Variants in CTNNA3 observed in about 807,000 individuals in gnomAD.
CTNNA3 encodes catenin alpha 3, also known as catenin alpha-3.
In CTNNA3, 76 loss-of-function variants were observed where a neutral mutation model predicts 95.7. That is an observed-to-expected ratio of 0.79 (90% CI 0.66 to 0.96). The LOEUF (loss-of-function observed/expected upper bound fraction) is 0.96. CTNNA3 is among the 40% of genes least tolerant of loss of function. The pLI is 0.00. For synonymous variants in CTNNA3, 431 were observed against 374.4 expected (o/e 1.15, Z -1.74); for missense variants, 1,191 against 1,089.8 (o/e 1.09, Z -1.31).
intron 9 of CTNNA3, among the ~76,000 whole-genome samples, chr10:66,627,477 A>AT (rs5785769): frequency 1 from 152,218 of 152,218 alleles, 76,109 homozygotes; most frequent in Non-Finnish European, 1. Flanking sequence ...TAAAGTCTTT[A>AT]TTTCTTTTTA....
intron 13 of CTNNA3, among the ~76,000 whole-genome samples, chr10:66,180,557 A>G (rs1174286028): frequency 6.6e-6 from 1 of 152,136 alleles, no homozygotes; most frequent in Non-Finnish European, 1.5e-5. Context: ...ACATCTCAAA[A>G]AGTAATGTCA....
At chr10:66,123,046 A>T (rs908603951) in intron 13 of CTNNA3, among the ~76,000 whole-genome samples, 1 of 152,102 alleles carries the variant, frequency 6.6e-6, no homozygotes, top group Non-Finnish European at 1.5e-5. Flanking sequence ...AAAACCAATC[A>T]TGCCTTCCCA....
intron 13 of CTNNA3, among the ~76,000 whole-genome samples, chr10:66,228,960 AT>A (rs1211384457): frequency 6.6e-6 from 1 of 151,924 alleles, no homozygotes; most frequent in East Asian, 1.9e-4. Flanking sequence ...ACTTCTGCTC[AT>A]TTTTGGTTTC....
intron 9 of CTNNA3, among the ~76,000 whole-genome samples, chr10:66,645,621 C>T (rs1845681886): frequency 6.6e-6 from 1 of 152,174 alleles, no homozygotes; most frequent in African/African-American, 2.4e-5. Flanking sequence ...GCAACCAAGC[C>T]ACACAGCAGG....
At chr10:67,757,431 G>A (rs866639283) in intron 1 of CTNNA3, among the ~76,000 whole-genome samples, 2 of 152,116 alleles carry the variant, frequency 1.3e-5, no homozygotes, top group Middle Eastern at 3.2e-3. Flanking sequence ...GATGTCAAAG[G>A]AGATAAATAT....
intron 13 of CTNNA3, among the ~76,000 whole-genome samples, chr10:66,237,303 C>T (rs185955800): frequency 5.1e-4 from 77 of 152,218 alleles, no homozygotes; most frequent in Non-Finnish European, 9.1e-4. Flanking sequence ...TTGTGCCTTC[C>T]CAATTTTCTT....
chr10:67,104,699 T>C (rs934795938), intron 7 of CTNNA3, among the ~76,000 whole-genome samples: 13 of 151,966 alleles, frequency 8.6e-5, no homozygotes, highest in Admixed American at 6.6e-4. Flanking sequence ...ATTAGCATTT[T>C]ACTCCATCAC....
intron 5 of CTNNA3, among the ~76,000 whole-genome samples, chr10:67,291,227 T>C (rs185591809): frequency 0.016 from 2,408 of 152,236 alleles, 26 homozygotes; most frequent in Non-Finnish European, 0.024. Flanking sequence ...GTACAATGCT[T>C]GGGACGTGGT....
intron 5 of CTNNA3, among the ~76,000 whole-genome samples, chr10:67,295,799 C>T (rs1210480706): frequency 6.6e-6 from 1 of 152,174 alleles, no homozygotes; most frequent in Non-Finnish European, 1.5e-5. Flanking sequence ...AATTAGAAGA[C>T]ACACACCTGT....
At chr10:66,812,529 C>T (rs946583767) in intron 7 of CTNNA3, among the ~76,000 whole-genome samples, 10 of 152,082 alleles carry the variant, frequency 6.6e-5, no homozygotes, top group Non-Finnish European at 1.3e-4. Flanking sequence ...ATTAATTTCA[C>T]GACTTTCGGT....
At chr10:66,921,766 T>C (rs933147137) in intron 7 of CTNNA3, among the ~76,000 whole-genome samples, 6 of 152,298 alleles carry the variant, frequency 3.9e-5, no homozygotes, top group African/African-American at 1.4e-4. Flanking sequence ...ACATATGACC[T>C]ACTAATATAC....
At chr10:67,069,870 T>G (rs1856338695) in intron 7 of CTNNA3, among the ~76,000 whole-genome samples, 1 of 152,202 alleles carries the variant, frequency 6.6e-6, no homozygotes, top group Admixed American at 6.5e-5. Flanking sequence ...AAGGGCTGTT[T>G]GAACACTTTT....
intron 5 of CTNNA3, among the ~76,000 whole-genome samples, chr10:67,303,079 T>TCCA (rs1057228246): frequency 1.3e-5 from 2 of 152,148 alleles, no homozygotes; most frequent in African/African-American, 4.8e-5. Flanking sequence ...AATAAACTCA[T>TCCA]CCAGGTGATT....
chr10:66,939,428 A>C (rs115093741), intron 7 of CTNNA3, among the ~76,000 whole-genome samples: 2,526 of 152,300 alleles, frequency 0.017, 54 homozygotes, highest in African/African-American at 0.057. Context: ...TAATAGTTTT[A>C]TCTCTCATGA....
intron 5 of CTNNA3, among the ~76,000 whole-genome samples, chr10:67,397,682 G>T (rs557204658): frequency 6.6e-6 from 1 of 152,310 alleles, no homozygotes; most frequent in Admixed American, 6.5e-5. Context: ...GACCATCACA[G>T]CAGCCCCTCC....
At chr10:66,072,416 C>A (rs1483453962) in intron 14 of CTNNA3, among the ~76,000 whole-genome samples, 1 of 150,600 alleles carries the variant, frequency 6.6e-6, no homozygotes, top group Admixed American at 6.7e-5. Context: ...AAAGTGCTGA[C>A]CAAGTGATGC....
intron 12 of CTNNA3, among the ~76,000 whole-genome samples, chr10:66,313,869 G>T (rs888643450): frequency 1.3e-5 from 2 of 152,120 alleles, no homozygotes; most frequent in African/African-American, 4.8e-5. Flanking sequence ...AGGCAAATGG[G>T]TCAGAAAAAT....
At chr10:67,558,793 G>A (rs931115088) in intron 3 of CTNNA3, among the ~76,000 whole-genome samples, 4 of 152,348 alleles carry the variant, frequency 2.6e-5, no homozygotes, top group Non-Finnish European at 5.9e-5. Context: ...CTAATACTGC[G>A]CTTTTCCAAC....
intron 9 of CTNNA3, among the ~76,000 whole-genome samples, chr10:66,627,595 C>G (rs1211509595): frequency 1.3e-5 from 2 of 152,124 alleles, no homozygotes; most frequent in African/African-American, 4.8e-5. Flanking sequence ...CAGATGGATA[C>G]TTTCAACAAA....
Sources: gnomAD v4.1 joint callset for allele counts (sites outside exome capture counted in the v4.1 genomes callset) on GRCh38, gnomAD v4.1.1 for gene constraint, MANE v1.5 for transcripts, NCBI Gene and HGNC (gene_info 2026-07-23, HGNC 2026-07-21) for gene names.